Variants in RBFOX1 observed in about 807,000 individuals in gnomAD.
RBFOX1 encodes the protein RNA binding protein fox-1 homolog 1.
Under a neutral mutation model 57.7 loss-of-function variants are expected in RBFOX1, and 8 were observed. That is an observed-to-expected ratio of 0.14 (90% confidence interval 0.08 to 0.25). The LOEUF (loss-of-function observed/expected upper bound fraction) is 0.25, where lower values mean the gene tolerates loss of function less well. RBFOX1 is among the 10% of genes least tolerant of loss of function. The pLI is 1.00. For synonymous variants in RBFOX1, 326 were observed against 222.4 expected (o/e 1.47, Z -4.15); for missense variants, 611 against 548.5 (o/e 1.11, Z -1.14).
intron 1 of RBFOX1, among the ~76,000 whole-genome samples, chr16:5,382,877 C>G (rs775839253): frequency 2.0e-5 from 3 of 152,150 alleles, no homozygotes; most frequent in Non-Finnish European, 4.4e-5. Context: ...GTAGGAAAAT[C>G]CAAAGCTTAA....
chr16:6,902,324 G>T (rs1476433596), intron 3 of RBFOX1, among the ~76,000 whole-genome samples: 2 of 152,106 alleles, frequency 1.3e-5, no homozygotes, highest in African/African-American at 4.8e-5. Context: ...CTTGATATGG[G>T]TTTCATGGCA....
At chr16:5,803,100 G>T (rs991027761) in intron 3 of RBFOX1, among the ~76,000 whole-genome samples, 1 of 152,146 alleles carries the variant, frequency 6.6e-6, no homozygotes, top group Non-Finnish European at 1.5e-5. Context: ...GCAGGAATGG[G>T]TTGGATGGGA....
intron 3 of RBFOX1, among the ~76,000 whole-genome samples, chr16:7,033,950 C>G (rs1431796267): frequency 2.6e-5 from 4 of 152,118 alleles, no homozygotes; most frequent in Non-Finnish European, 4.4e-5. Flanking sequence ...GGCTGGGTGA[C>G]CAAGCAAGAC....
intron 6 of RBFOX1, among the ~76,000 whole-genome samples, chr16:7,582,645 G>A (rs1434825303): frequency 1.3e-5 from 2 of 152,144 alleles, no homozygotes; most frequent in African/African-American, 4.8e-5. Context: ...TTGGGTCATA[G>A]TTACTGCAAG....
At chr16:7,704,247 C>G (rs542395216) in intron 14 of RBFOX1, among the ~76,000 whole-genome samples, 3 of 152,304 alleles carry the variant, frequency 2.0e-5, no homozygotes, top group East Asian at 1.9e-4. Flanking sequence ...AAGATGAGGT[C>G]TCATGATGGT....
rs1317328874 is a variant in RBFOX1 at position 5,500,095 on chromosome 16, ATTCCCTCCC to A, written c.258+32859_258+32867del. Among the ~76,000 whole-genome samples, 279 of 123,978 alleles carry A rather than the reference ATTCCCTCCC, an allele frequency of 2.3e-3. 2 individuals are homozygous for A. The highest frequency in any genetic ancestry group is 3.9e-3 in the Non-Finnish European group (235 of 61,038). 81.3% of individuals were successfully genotyped at this position (123,978 alleles called of 152,430 possible). ...CAGCCTGCCTTCCTGCCTTCCCTCCATTCCCTCCCTTCCCTCCCTTCCCTCCTTCCCTCC... is the reference window on the plus strand; with the variant it reads ...CAGCCTGCCTTCCTGCCTTCCCTCCATTCCCTCCCTTCCCTCCTTCCCTCC... On this transcript the variant is annotated intron_variant, in intron 2 of 2. Coordinates refer to the RBFOX1 transcript ENST00000585867.
chr16:6,139,102 CTA>C (rs1475496751), intron 1 of RBFOX1, among the ~76,000 whole-genome samples: 1 of 152,078 alleles, frequency 6.6e-6, no homozygotes, highest in Non-Finnish European at 1.5e-5. Flanking sequence ...GATAGCAGTT[CTA>C]TAGAGTACTG....
intron 4 of RBFOX1, among the ~76,000 whole-genome samples, chr16:7,070,968 T>C (rs2057213561): frequency 6.6e-6 from 1 of 152,128 alleles, no homozygotes; most frequent in South Asian, 2.1e-4. Flanking sequence ...GTGCAAGCAA[T>C]TTTGCCCAGA....
intron 2 of RBFOX1, among the ~76,000 whole-genome samples, chr16:6,449,789 G>T (rs983583824): frequency 1.3e-5 from 2 of 152,190 alleles, no homozygotes; most frequent in African/African-American, 4.8e-5. Flanking sequence ...ACGTACTGCA[G>T]CCTCCCATCA....
chr16:6,065,249 G>A lies in RBFOX1; in HGVS notation c.-127+45257G>A, dbSNP rs138923099. ...AGGATCTTGCTGTGTTGCCACGGCT[G>A]GTCTCAAACTCCTGGTCTCAAGCAA... On this transcript the variant is annotated intron_variant, in intron 1 of 15. Coordinates refer to ENST00000550418, the MANE Select transcript of RBFOX1 (RefSeq NM_018723.4). 4.1e-3 allele frequency among the ~76,000 whole-genome samples: 606 copies of A among 149,284 alleles called. 4 individuals carry two copies. Among genetic ancestry groups the A allele is most frequent in the African/African-American group, 0.014 (570 of 40,378 alleles).
chr16:7,699,985 G>C (rs2080128882), intron 14 of RBFOX1, among the ~76,000 whole-genome samples: 1 of 152,112 alleles, frequency 6.6e-6, no homozygotes. Flanking sequence ...TTTTAACGTT[G>C]CCTCCTGGTG....
At chr16:7,202,298 TAAAA>T (rs35437762) in intron 4 of RBFOX1, among the ~76,000 whole-genome samples, 5 of 131,732 alleles carry the variant, frequency 3.8e-5, no homozygotes, top group Admixed American at 7.4e-5. Flanking sequence ...TGGCTGCAAA[TAAAA>T]AAAAAAAAAA....
chr16:6,345,311 T>A (rs2085208294), intron 2 of RBFOX1, among the ~76,000 whole-genome samples: 1 of 152,200 alleles, frequency 6.6e-6, no homozygotes, highest in Non-Finnish European at 1.5e-5. Flanking sequence ...GGGCTCCCCC[T>A]ATAGGCAGTG....
intron 3 of RBFOX1, among the ~76,000 whole-genome samples, chr16:5,750,991 A>G (rs1280941205): frequency 6.6e-6 from 1 of 152,148 alleles, no homozygotes; most frequent in Non-Finnish European, 1.5e-5. Context: ...CCTATTCGGC[A>G]ATCTTGGAAC....
intron 1 of RBFOX1, among the ~76,000 whole-genome samples, chr16:6,149,905 G>T (rs916421726): frequency 6.6e-6 from 1 of 152,192 alleles, no homozygotes; most frequent in Non-Finnish European, 1.5e-5. Flanking sequence ...CTGATTATGT[G>T]CACTGAACAA....
At chr16:6,519,346 A>G (rs1290160233) in intron 2 of RBFOX1, among the ~76,000 whole-genome samples, 1 of 152,128 alleles carries the variant, frequency 6.6e-6, no homozygotes, top group Non-Finnish European at 1.5e-5. Context: ...TTTGGAGAAG[A>G]AATACTGTAC....
chr16:7,448,971 C>T (rs1011422638), intron 4 of RBFOX1, among the ~76,000 whole-genome samples: 5 of 82,620 alleles, frequency 6.1e-5, no homozygotes, highest in African/African-American at 2.4e-4. Flanking sequence ...CTCTTGTTGC[C>T]CAGGCTGGAG....
chr16:5,732,929 A>G (rs1009743010), intron 3 of RBFOX1, among the ~76,000 whole-genome samples: 3 of 152,176 alleles, frequency 2.0e-5, no homozygotes, highest in Non-Finnish European at 2.9e-5. Context: ...CTTATTATCC[A>G]AGGAGTCAAC....
intron 4 of RBFOX1, among the ~76,000 whole-genome samples, chr16:7,240,227 A>T (rs2093987642): frequency 6.6e-6 from 1 of 152,148 alleles, no homozygotes. Context: ...TCGGCCTCCC[A>T]AACTGCTGGG....
Sources: gnomAD v4.1 joint callset for allele counts (sites outside exome capture counted in the v4.1 genomes callset) on GRCh38, gnomAD v4.1.1 for gene constraint, MANE v1.5 for transcripts, NCBI Gene and HGNC (gene_info 2026-07-23, HGNC 2026-07-21) for gene names.